AGPS: variants seen among roughly 807,000 people sequenced by gnomAD.
The protein encoded by AGPS is alkyldihydroxyacetonephosphate synthase, peroxisomal.
AGPS carries 26 observed loss-of-function variants against 90.7 expected under a neutral mutation model. The ratio of observed to expected loss-of-function variants is 0.29; its 90% CI spans 0.21 to 0.40. The LOEUF (loss-of-function observed/expected upper bound fraction) is 0.40. AGPS is among the 10% of genes least tolerant of loss of function. The pLI, the probability that AGPS is intolerant of heterozygous loss-of-function variation, is 1.00. For synonymous variants in AGPS, 294 were observed against 285.3 expected (o/e 1.03, Z -0.31); for missense variants, 540 against 816.1 (o/e 0.66, Z 4.12).
Position 177,538,658 on chromosome 2 carries a change from TAGGCCATTA to T in AGPS, c.*467_*475del, listed in dbSNP as rs886055171. 1 of 172,820 alleles carries T rather than the reference TAGGCCATTA, an allele frequency of 5.8e-6. No individual in the cohort carries two copies. Among genetic ancestry groups the T allele is most frequent in the Non-Finnish European group, 1.2e-5 (1 of 80,400 alleles). 10.7% of individuals were successfully genotyped at this position (172,820 alleles called of 1,614,324 possible). A position where few individuals can be genotyped will look rare whatever the true frequency, so the allele number is the denominator to read the frequency against. The stretch of plus-strand genomic sequence containing the variant: ...GTTTAAGAGCATAGTCTAGTGTGAG[TAGGCCATTA>T]AGGGGAAGGATATTCATGAAAGAAT... On this transcript the variant is annotated 3_prime_UTR_variant, in exon 20 of 20. Coordinates refer to ENST00000264167, the MANE Select transcript of AGPS (RefSeq NM_003659.4).
Position 177,396,163 on chromosome 2 carries a change from A to G in AGPS, c.260+3114A>G, listed in dbSNP as rs190990055. Among the ~76,000 whole-genome samples the G allele has an allele frequency of 2.7e-3, 413 of 152,310 alleles. 3 individuals are homozygous for G. The highest frequency in any genetic ancestry group is 7.4e-4 in the Non-Finnish European group (50 of 68,026). ...ATGGTATTTTGAGAGTTTATATTCC[A>G]GGCAAAGGGAACAGCATATGACAAA... On this transcript the variant is annotated intron_variant, in intron 1 of 19. Coordinates refer to ENST00000264167, the MANE Select transcript of AGPS (RefSeq NM_003659.4).
At chr2:177,410,681 G>A (rs190134717) in intron 1 of AGPS, among the ~76,000 whole-genome samples, 27 of 152,256 alleles carry the variant, frequency 1.8e-4, no homozygotes, top group African/African-American at 4.8e-4. Context: ...ACAGTTGTCC[G>A]GGACAGGGAG....
chr2:177,494,736 C>A (rs1373873960), intron 12 of AGPS, among the ~76,000 whole-genome samples: 2 of 152,192 alleles, frequency 1.3e-5, no homozygotes, highest in African/African-American at 4.8e-5. Context: ...CTTCTCTAGT[C>A]TTTACTGTGT....
At chr2:177,470,561 G>A (rs1338180024) in intron 10 of AGPS, among the ~76,000 whole-genome samples, 6 of 151,576 alleles carry the variant, frequency 4.0e-5, no homozygotes, top group Admixed American at 6.6e-5. Context: ...AAAATTAGTC[G>A]GGTGTGGTGG....
At chr2:177,421,126 A>C (rs1453623328) in intron 2 of AGPS, among the ~76,000 whole-genome samples, 1 of 152,058 alleles carries the variant, frequency 6.6e-6, no homozygotes, top group East Asian at 1.9e-4. Flanking sequence ...TTTAAGCAAT[A>C]CTGCCTTTGC....
At chr2:177,437,979 C>T (rs1250753877) in intron 5 of AGPS, among the ~76,000 whole-genome samples, 1 of 152,146 alleles carries the variant, frequency 6.6e-6, no homozygotes, top group Non-Finnish European at 1.5e-5. Flanking sequence ...AAATGTCTTT[C>T]ATCTCTATTA....
chr2:177,459,551 A>G (rs1687224051), intron 8 of AGPS, among the ~76,000 whole-genome samples: 1 of 152,262 alleles, frequency 6.6e-6, no homozygotes, highest in Non-Finnish European at 1.5e-5. Context: ...TATGCAGCCA[A>G]CAGACATATG....
chr2:177,395,981 C>T (rs1205887230), intron 1 of AGPS, among the ~76,000 whole-genome samples: 3 of 145,654 alleles, frequency 2.1e-5, no homozygotes, highest in Non-Finnish European at 4.4e-5. Flanking sequence ...TCAAAGAGTT[C>T]ACAATCTAGG....
intron 10 of AGPS, among the ~76,000 whole-genome samples, chr2:177,478,359 G>A (rs555177921): frequency 6.6e-6 from 1 of 152,104 alleles, no homozygotes; most frequent in Admixed American, 6.6e-5. Context: ...TTTGAAATTT[G>A]TTGAGCTCCC....
chr2:177,474,909 G>A (rs897872991), intron 10 of AGPS, among the ~76,000 whole-genome samples: 2 of 152,094 alleles, frequency 1.3e-5, no homozygotes, highest in African/African-American at 4.8e-5. Context: ...TCATTTCTTA[G>A]AACTTAGGAA....
In AGPS at chr2:177,463,050, T is replaced by G. The variant is rs138272892; in HGVS notation, c.996+1032T>G. On this transcript the variant is annotated intron_variant, in intron 9 of 19. Coordinates refer to ENST00000264167, the MANE Select transcript of AGPS (RefSeq NM_003659.4). ...TTTTCTGAAAATAATTTTTCCTGTA[T>G]AGAATTAAATAGGCTGATTGAAATT... Among the ~76,000 whole-genome samples, 57 of 152,328 alleles carry G rather than the reference T, an allele frequency of 3.7e-4. No individual in the cohort carries two copies. The East Asian group carries it at 9.3e-3, about 25-fold the overall frequency.
chr2:177,419,054 G>C (rs545257436), intron 1 of AGPS, among the ~76,000 whole-genome samples: 45 of 152,010 alleles, frequency 3.0e-4, no homozygotes, highest in South Asian at 4.1e-4. Context: ...GCAAATCATA[G>C]TTGTAAACAG....
intron 2 of AGPS, among the ~76,000 whole-genome samples, chr2:177,431,443 A>C (rs1034548139): frequency 2.0e-5 from 3 of 152,172 alleles, no homozygotes; most frequent in African/African-American, 7.2e-5. Context: ...TCGAGAGCAG[A>C]GAACCGGTCT....
At chr2:177,513,979 A>T (rs1688954377) in intron 17 of AGPS, 71 bp downstream of exon 17, 1 of 1,157,966 alleles carries the variant, frequency 8.6e-7, no homozygotes, top group Non-Finnish European at 1.3e-6. Context: ...GGGGGGGAAT[A>T]TAATTTTCCA....
intron 9 of AGPS, among the ~76,000 whole-genome samples, chr2:177,465,772 G>A (rs1391473164): frequency 6.6e-6 from 1 of 152,254 alleles, no homozygotes; most frequent in Non-Finnish European, 1.5e-5. Flanking sequence ...CATAGCCCTG[G>A]CTCAGGGAGC....
intron 15 of AGPS, among the ~76,000 whole-genome samples, chr2:177,507,042 T>A (rs112656708): frequency 5.1e-5 from 7 of 138,540 alleles, no homozygotes; most frequent in Middle Eastern, 3.7e-3. Context: ...CCGCCCCCCC[T>A]ACCCCGGGAT....
At chr2:177,427,204 T>C (rs1375846602) in intron 2 of AGPS, among the ~76,000 whole-genome samples, 2 of 152,242 alleles carry the variant, frequency 1.3e-5, no homozygotes, top group Non-Finnish European at 2.9e-5. Flanking sequence ...TCAGTGGTGG[T>C]ATCCCCCTTA....
chr2:177,540,136 A>T lies in AGPS; in HGVS notation c.*1941A>T, dbSNP rs2079221909. On this transcript the variant is annotated 3_prime_UTR_variant, in exon 20 of 20. Transcript: ENST00000264167. The stretch of plus-strand genomic sequence containing the variant: ...AATTTTTAAAAAATAAAACAGGTTA[A>T]TAAGAAGATCCATTCCTTTGCATGT... The T allele has an allele frequency of 6.6e-6, 1 of 150,856 alleles. No individual in the cohort carries two copies. Among genetic ancestry groups the T allele is most frequent in the Non-Finnish European group, 1.5e-5 (1 of 67,650 alleles). The allele number at this position is 150,856 out of a possible 1,614,324, so 9.3% of individuals were successfully genotyped here.
intron 5 of AGPS, among the ~76,000 whole-genome samples, chr2:177,439,483 A>G (rs1294157934): frequency 1.3e-5 from 2 of 152,122 alleles, no homozygotes; most frequent in Non-Finnish European, 2.9e-5. Flanking sequence ...TGTTTTGTGA[A>G]TTATTAATTA....
Sources: gnomAD v4.1 joint callset for allele counts (sites outside exome capture counted in the v4.1 genomes callset) on GRCh38, gnomAD v4.1.1 for gene constraint, MANE v1.5 for transcripts, NCBI Gene and HGNC (gene_info 2026-07-23, HGNC 2026-07-21) for gene names.